AGBL1: variants seen among roughly 807,000 people sequenced by gnomAD.
AGBL1 encodes cytosolic carboxypeptidase 4.
In AGBL1, 130 loss-of-function variants were observed where a neutral mutation model predicts 118.9. The observed-to-expected ratio is 1.09, with a 90% CI of 0.95 to 1.26. The LOEUF (loss-of-function observed/expected upper bound fraction) is 1.26, where lower values mean the gene tolerates loss of function less well. AGBL1 is among the 50% of genes most tolerant of loss of function. AGBL1 has a pLI of 0.00. For missense variants in AGBL1, 1,584 were observed against 1,298.1 expected, an observed-to-expected ratio of 1.22 and a Z score of -3.38; for synonymous variants, 555 against 478.9, an observed-to-expected ratio of 1.16 and a Z score of -2.08.
intron 21 of AGBL1, among the ~76,000 whole-genome samples, chr15:86,651,770 G>A (rs2085375164): frequency 6.6e-6 from 1 of 152,112 alleles, no homozygotes; most frequent in Non-Finnish European, 1.5e-5. Context: ...CTGCCACTGA[G>A]TACGTTAACT....
intron 5 of AGBL1, among the ~76,000 whole-genome samples, chr15:86,216,364 C>G (rs1208109956): frequency 3.9e-5 from 6 of 152,102 alleles, no homozygotes; most frequent in Non-Finnish European, 8.8e-5. Context: ...AGCATTCAAT[C>G]TTTCTTCATT....
At chr15:86,901,484 C>A (rs2080211446) in intron 22 of AGBL1, among the ~76,000 whole-genome samples, 1 of 151,986 alleles carries the variant, frequency 6.6e-6, no homozygotes, top group Non-Finnish European at 1.5e-5. Flanking sequence ...ATGGTGTCTT[C>A]ATTTCCAACT....
chr15:86,172,043 G>A (rs1222457349), intron 5 of AGBL1, among the ~76,000 whole-genome samples: 1 of 152,196 alleles, frequency 6.6e-6, no homozygotes, highest in Non-Finnish European at 1.5e-5. Flanking sequence ...CTTGGGGAAA[G>A]GGTGGGAGGA....
At chr15:86,584,569 T>C (rs1017359547) in intron 21 of AGBL1, among the ~76,000 whole-genome samples, 1 of 152,168 alleles carries the variant, frequency 6.6e-6, no homozygotes, top group African/African-American at 2.4e-5. Flanking sequence ...TACCATGCTG[T>C]TTTGGTTACT....
chr15:86,642,250 G>T lies in AGBL1; in HGVS notation c.2995-32023G>T, dbSNP rs115490446. ...GTTGAAGAATTTGGAACAATAAAGA[G>T]ATCTGCCATGCATTTTAGCCTTCCT... On this transcript the variant is annotated intron_variant, in intron 21 of 22. Coordinates refer to ENST00000614907, the MANE Select transcript of AGBL1 (RefSeq NM_001386094.1). Among the ~76,000 whole-genome samples, 478 of 152,236 alleles carry T rather than the reference G, an allele frequency of 3.1e-3. 2 individuals are homozygous for T. The highest frequency in any genetic ancestry group is 8.9e-3 in the African/African-American group (369 of 41,560).
chr15:86,968,189 T>G (rs890630496), intron 23 of AGBL1, among the ~76,000 whole-genome samples: 2 of 151,784 alleles, frequency 1.3e-5, no homozygotes, highest in African/African-American at 4.8e-5. Context: ...GACAATGACA[T>G]TGGATTTGGA....
At chr15:86,828,399 G>A (rs1406411655) in intron 22 of AGBL1, among the ~76,000 whole-genome samples, 1 of 151,226 alleles carries the variant, frequency 6.6e-6, no homozygotes. Context: ...GTAGAATCTC[G>A]AGATGGGAAG....
intron 1 of AGBL1, among the ~76,000 whole-genome samples, chr15:86,105,575 G>T (rs192493719): frequency 1.3e-5 from 2 of 152,200 alleles, no homozygotes. Context: ...TCAGCTAAAT[G>T]GTTGAGAAGG....
chr15:86,959,112 C>T (rs1320321195), intron 23 of AGBL1, among the ~76,000 whole-genome samples: 1 of 152,042 alleles, frequency 6.6e-6, no homozygotes, highest in Non-Finnish European at 1.5e-5. Context: ...TACAGATGTA[C>T]TTAAGTCGTT....
intron 5 of AGBL1, among the ~76,000 whole-genome samples, chr15:86,200,858 C>T (rs780402285): frequency 1.3e-5 from 2 of 152,008 alleles, no homozygotes; most frequent in Non-Finnish European, 2.9e-5. Context: ...TCAGGTGATC[C>T]ACTTGTCTCG....
At chr15:86,668,538 G>T (rs187091220) in intron 21 of AGBL1, among the ~76,000 whole-genome samples, 2 of 152,170 alleles carry the variant, frequency 1.3e-5, no homozygotes, top group Admixed American at 1.3e-4. Context: ...TATCTTCAGA[G>T]TGGCCCCCTT....
chr15:86,560,343 A>G (rs1394073454), intron 21 of AGBL1, among the ~76,000 whole-genome samples: 1 of 142,604 alleles, frequency 7.0e-6, no homozygotes, highest in African/African-American at 2.6e-5. Context: ...CCTGTGTCCA[A>G]GTGTTCTCAT....
chr15:86,736,666 C>T (rs952930425), intron 22 of AGBL1, among the ~76,000 whole-genome samples: 3 of 152,222 alleles, frequency 2.0e-5, no homozygotes, highest in Non-Finnish European at 4.4e-5. Context: ...GTAAACTACA[C>T]CGCTTCATCC....
chr15:86,240,915 T>G (rs886214918), intron 6 of AGBL1, among the ~76,000 whole-genome samples: 1 of 152,232 alleles, frequency 6.6e-6, no homozygotes. Flanking sequence ...ATATTAAACA[T>G]GTAACTGCTA....
At chr15:86,922,602 T>C (rs2080492139) in intron 23 of AGBL1, among the ~76,000 whole-genome samples, 1 of 152,192 alleles carries the variant, frequency 6.6e-6, no homozygotes, top group South Asian at 2.1e-4. Flanking sequence ...AGAAACATTT[T>C]AAAAAACTAA....
At chr15:86,809,825 T>C (rs540130027) in intron 22 of AGBL1, among the ~76,000 whole-genome samples, 10 of 152,268 alleles carry the variant, frequency 6.6e-5, no homozygotes, top group East Asian at 1.9e-4. Flanking sequence ...CCAGGAAAGA[T>C]TGAAAAATTT....
intron 21 of AGBL1, among the ~76,000 whole-genome samples, chr15:86,586,052 G>A (rs977174853): frequency 6.6e-6 from 1 of 152,164 alleles, no homozygotes; most frequent in East Asian, 1.9e-4. Flanking sequence ...CCTCTGCACC[G>A]AATAGAACCA....
At chr15:86,853,812 G>C (rs1218461931) in intron 22 of AGBL1, among the ~76,000 whole-genome samples, 1 of 151,972 alleles carries the variant, frequency 6.6e-6, no homozygotes, top group Non-Finnish European at 1.5e-5. Flanking sequence ...TGAAAACCTG[G>C]GTTTTACTCC....
At chr15:86,689,680 AG>A (rs944879527) in intron 22 of AGBL1, among the ~76,000 whole-genome samples, 87 of 152,258 alleles carry the variant, frequency 5.7e-4, no homozygotes, top group African/African-American at 2.0e-3. Flanking sequence ...GTCCTATTAG[AG>A]AACTTTTATG....
Sources: gnomAD v4.1 joint callset for allele counts (sites outside exome capture counted in the v4.1 genomes callset) on GRCh38, gnomAD v4.1.1 for gene constraint, MANE v1.5 for transcripts, NCBI Gene and HGNC (gene_info 2026-07-23, HGNC 2026-07-21) for gene names.